The following NRXN3 variants were observed in gnomAD, a reference collection of about 807,000 sequenced individuals.
The protein encoded by NRXN3 is neurexin 3, also known as neurexin III.
In NRXN3, 32 loss-of-function variants were observed where a neutral mutation model predicts 137.6. The ratio of observed to expected loss-of-function variants is 0.23; its 90% confidence interval spans 0.18 to 0.31. The LOEUF is 0.31. Among genes scored for constraint, NRXN3 ranks in the 10% least tolerant of loss-of-function variants. The probability of loss-of-function intolerance (pLI) is 1.00; values close to 1 mark genes in which losing one functional copy is unlikely to be tolerated. For missense variants in NRXN3, 1,574 were observed against 2,062.5 expected (o/e 0.76, Z 4.59); for synonymous variants, 798 against 784.5 (o/e 1.02, Z -0.29).
chr14:79,005,798 A>AG (rs2099551292), intron 15 of NRXN3, among the ~76,000 whole-genome samples: 3 of 151,930 alleles, frequency 2.0e-5, no homozygotes, highest in Non-Finnish European at 2.9e-5. Flanking sequence ...TCTAATTTGA[A>AG]CCAGGACTAT....
At chr14:79,379,262 G>T (rs1187381514) in intron 15 of NRXN3, among the ~76,000 whole-genome samples, 1 of 152,066 alleles carries the variant, frequency 6.6e-6, no homozygotes, top group Non-Finnish European at 1.5e-5. Context: ...AAATCCTTAA[G>T]CATAAGGTGG....
intron 16 of NRXN3, among the ~76,000 whole-genome samples, chr14:79,584,796 A>G (rs1158227737): frequency 6.6e-6 from 1 of 152,174 alleles, no homozygotes; most frequent in African/African-American, 2.4e-5. Flanking sequence ...TGCACAGCAG[A>G]GGGAGCCATG....
chr14:79,238,541 G>A (rs2073807807), intron 15 of NRXN3, among the ~76,000 whole-genome samples: 1 of 151,952 alleles, frequency 6.6e-6, no homozygotes, highest in East Asian at 1.9e-4. Context: ...GCTGTGATGT[G>A]ATACATTACA....
chr14:79,199,285 T>G (rs935586183), intron 15 of NRXN3, among the ~76,000 whole-genome samples: 2 of 152,238 alleles, frequency 1.3e-5, no homozygotes, highest in African/African-American at 4.8e-5. Flanking sequence ...CTTATTCATT[T>G]CCTCTCGTGC....
At chr14:79,637,859 A>T (rs917868738) in intron 16 of NRXN3, among the ~76,000 whole-genome samples, 15 of 150,298 alleles carry the variant, frequency 1.0e-4, no homozygotes, top group African/African-American at 3.2e-4. Context: ...CCTCTTGAGT[A>T]TCTGGGATTA....
At chr14:79,168,759 T>C (rs2061511098) in intron 15 of NRXN3, among the ~76,000 whole-genome samples, 1 of 152,050 alleles carries the variant, frequency 6.6e-6, no homozygotes, top group Non-Finnish European at 1.5e-5. Context: ...CCTTCAAAAG[T>C]CAGTTCCAAG....
At chr14:79,747,248 C>T (rs1026420372) in intron 19 of NRXN3, among the ~76,000 whole-genome samples, 1 of 152,022 alleles carries the variant, frequency 6.6e-6, no homozygotes, top group Non-Finnish European at 1.5e-5. Context: ...ACACTGTTTT[C>T]TGGAGCACTC....
At chr14:79,797,159 A>G (rs907089437) in intron 19 of NRXN3, among the ~76,000 whole-genome samples, 1 of 152,190 alleles carries the variant, frequency 6.6e-6, no homozygotes, top group African/African-American at 2.4e-5. Context: ...TTTTTAATTC[A>G]GTTTTAGAGA....
At position 79,693,055 on chromosome 14, in the gene NRXN3, G is replaced by A. The variant is rs571165270; in HGVS notation, c.3706+793G>A. ...TGATTTGCTGGAGACAACAACCACT[G>A]TTAATAAAAGAGGGCAGCGGTTATA... On this transcript the variant is annotated intron_variant, in intron 18 of 20. Transcript: ENST00000335750. Among the ~76,000 whole-genome samples the A allele has an allele frequency of 3.7e-4, 57 of 152,158 alleles. 1 individual carries two copies. Among genetic ancestry groups the A allele is most frequent in the Non-Finnish European group, 2.2e-4 (15 of 67,960 alleles).
At chr14:79,226,175 C>G (rs965565716) in intron 15 of NRXN3, among the ~76,000 whole-genome samples, 1 of 152,140 alleles carries the variant, frequency 6.6e-6, no homozygotes, top group African/African-American at 2.4e-5. Flanking sequence ...CCCATCACGA[C>G]AGAGTAGAAG....
intron 15 of NRXN3, among the ~76,000 whole-genome samples, chr14:79,243,013 A>G (rs1279417788): frequency 2.0e-5 from 3 of 152,172 alleles, no homozygotes; most frequent in Non-Finnish European, 4.4e-5. Flanking sequence ...TTAATATGAC[A>G]CAATTAACCA....
At position 79,864,465 on chromosome 14, in the gene NRXN3, C is replaced by A. The variant is rs768724683; in HGVS notation, c.*2501C>A. ...TTATTTTCTTAACATTTGAGAAAAT[C>A]TCGCACTGAAGCTAATTATGTCATA... On this transcript the variant is annotated 3_prime_UTR_variant, in exon 21 of 21. Coordinates refer to ENST00000335750, the MANE Select transcript of NRXN3 (RefSeq NM_001330195.2). The A allele has an allele frequency of 1.3e-5, 2 of 152,582 alleles. No individual in the cohort carries two copies. Among genetic ancestry groups the A allele is most frequent in the African/African-American group, 4.8e-5 (2 of 41,440 alleles). 9.5% of individuals were successfully genotyped at this position (152,582 alleles called of 1,614,324 possible). A position where few individuals can be genotyped will look rare whatever the true frequency, so the allele number is the denominator to read the frequency against.
intron 4 of NRXN3, among the ~76,000 whole-genome samples, chr14:78,632,672 T>C (rs1469906510): frequency 6.6e-6 from 1 of 152,194 alleles, no homozygotes; most frequent in Non-Finnish European, 1.5e-5. Context: ...TTGTGAGGGA[T>C]AAATAAGAAA....
At chr14:79,234,309 T>C (rs1364795855) in intron 15 of NRXN3, among the ~76,000 whole-genome samples, 1 of 93,472 alleles carries the variant, frequency 1.1e-5, no homozygotes, top group Non-Finnish European at 2.0e-5. Flanking sequence ...TATATATATA[T>C]ATATATATAT....
At chr14:79,519,204 A>G (rs1479558421) in intron 16 of NRXN3, among the ~76,000 whole-genome samples, 2 of 151,994 alleles carry the variant, frequency 1.3e-5, no homozygotes, top group Non-Finnish European at 2.9e-5. Context: ...AAGTTTTCAT[A>G]TATATTTGCA....
chr14:79,638,578 A>G (rs2098417332), intron 16 of NRXN3, among the ~76,000 whole-genome samples: 1 of 152,242 alleles, frequency 6.6e-6, no homozygotes, highest in African/African-American at 2.4e-5. Flanking sequence ...TTAGGTATTT[A>G]TACATTCTCA....
intron 2 of NRXN3, among the ~76,000 whole-genome samples, chr14:78,273,028 C>T (rs1310344504): frequency 3.9e-5 from 6 of 152,192 alleles, no homozygotes; most frequent in Non-Finnish European, 4.4e-5. Flanking sequence ...TCAGGCCAGT[C>T]CTGGGGCCCA....
chr14:79,458,198 G>A (rs1485177556), intron 15 of NRXN3, among the ~76,000 whole-genome samples: 1 of 152,078 alleles, frequency 6.6e-6, no homozygotes, highest in Non-Finnish European at 1.5e-5. Context: ...TAGAAATGGA[G>A]GAGTAACATA....
intron 10 of NRXN3, among the ~76,000 whole-genome samples, chr14:78,852,052 C>T (rs2099044165): frequency 6.6e-6 from 1 of 152,046 alleles, no homozygotes; most frequent in Non-Finnish European, 1.5e-5. Flanking sequence ...ATAAATAGGG[C>T]AGCCATAGTA....
Sources: gnomAD v4.1 joint callset for allele counts (sites outside exome capture counted in the v4.1 genomes callset) on GRCh38, gnomAD v4.1.1 for gene constraint, MANE v1.5 for transcripts, NCBI Gene and HGNC (gene_info 2026-07-23, HGNC 2026-07-21) for gene names.